Variants in SDC2 observed in about 807,000 individuals in gnomAD.
The protein encoded by SDC2 is syndecan-2.
SDC2 carries 13 observed loss-of-function variants against 22.2 expected under a neutral mutation model. That is an observed-to-expected ratio of 0.59 (90% CI 0.38 to 0.93). The LOEUF (loss-of-function observed/expected upper bound fraction) is 0.93, where lower values mean the gene tolerates loss of function less well. Ranked by LOEUF, SDC2 falls within the 40% of genes least tolerant of loss-of-function variation. The pLI, the probability that SDC2 is intolerant of heterozygous loss-of-function variation, is 0.00. For synonymous variants in SDC2, 94 were observed against 92.8 expected, an observed-to-expected ratio of 1.01 and a Z score of -0.07; for missense variants, 235 against 246.8, an observed-to-expected ratio of 0.95 and a Z score of 0.32.
At chr8:96,540,524 T>C (rs1235762193) in intron 1 of SDC2, among the ~76,000 whole-genome samples, 1 of 86,362 alleles carries the variant, frequency 1.2e-5, no homozygotes, top group Admixed American at 1.1e-4. Flanking sequence ...AAAAAAAAAA[T>C]CTGTATGGTA....
chr8:96,567,941 T>C (rs1563664624), intron 1 of SDC2, among the ~76,000 whole-genome samples: 1 of 152,164 alleles, frequency 6.6e-6, no homozygotes, highest in Non-Finnish European at 1.5e-5. Context: ...AGGAAACTCC[T>C]TCAAAGTGTT....
intron 1 of SDC2, among the ~76,000 whole-genome samples, chr8:96,522,195 G>T (rs914538133): frequency 6.6e-6 from 1 of 152,292 alleles, no homozygotes; most frequent in African/African-American, 2.4e-5. Flanking sequence ...GGAAGGCTTG[G>T]AGTGCATGTT....
intron 1 of SDC2, among the ~76,000 whole-genome samples, 187 bp from the exon 2 acceptor site, chr8:96,593,293 C>T (rs771684015): frequency 1.3e-5 from 2 of 152,142 alleles, no homozygotes; most frequent in Non-Finnish European, 2.9e-5. Context: ...GTTATTAGTC[C>T]GTGCTCACCT....
At chr8:96,516,536 AC>A (rs1199882763) in intron 1 of SDC2, among the ~76,000 whole-genome samples, 1 of 142,778 alleles carries the variant, frequency 7.0e-6, no homozygotes, top group East Asian at 2.0e-4. Flanking sequence ...TATTTTAATC[AC>A]CCCCCCACCT....
At position 96,572,191 on chromosome 8, in the gene SDC2, G is replaced by A. The variant is rs143581349; in HGVS notation, c.61-21289G>A. On this transcript the variant is annotated intron_variant, in intron 1 of 4. Coordinates refer to ENST00000302190, the MANE Select transcript of SDC2 (RefSeq NM_002998.4). ...AATGAGAGGCAACCCTACAGGAGGT[G>A]CTGCAGAATGAATTGTTTTCTTAGT... 9.8e-5 allele frequency among the ~76,000 whole-genome samples: 15 copies of A among 152,318 alleles called. No homozygotes were observed. The East Asian group carries it at 2.9e-3, about 29-fold the overall frequency.
chr8:96,540,529 A>G (rs1214709709), intron 1 of SDC2, among the ~76,000 whole-genome samples: 1 of 118,174 alleles, frequency 8.5e-6, no homozygotes, highest in Admixed American at 8.6e-5. Flanking sequence ...AAAAATCTGT[A>G]TGGTAACTTC....
chr8:96,501,423 A>G (rs768773175), intron 1 of SDC2, among the ~76,000 whole-genome samples: 1 of 143,834 alleles, frequency 7.0e-6, no homozygotes, highest in Non-Finnish European at 1.5e-5. Flanking sequence ...TCCTGCCTCA[A>G]CCTCCCGAGT....
chr8:96,496,568 A>C (rs1357638114), intron 1 of SDC2, among the ~76,000 whole-genome samples: 1 of 152,220 alleles, frequency 6.6e-6, no homozygotes, highest in Non-Finnish European at 1.5e-5. Context: ...TAGCAGCAAA[A>C]ATATAAATGA....
chr8:96,537,962 T>C (rs1208191216), intron 1 of SDC2, among the ~76,000 whole-genome samples: 3 of 152,120 alleles, frequency 2.0e-5, no homozygotes, highest in Non-Finnish European at 2.9e-5. Flanking sequence ...TTTTGTTTGT[T>C]TGTTTGTTTG....
intron 1 of SDC2, among the ~76,000 whole-genome samples, chr8:96,556,231 T>C (rs1287257140): frequency 6.6e-6 from 1 of 152,188 alleles, no homozygotes. Context: ...TGTATTAGCC[T>C]TAGTAAGAAA....
intron 1 of SDC2, among the ~76,000 whole-genome samples, chr8:96,520,430 A>C (rs1813479038): frequency 6.6e-6 from 1 of 152,186 alleles, no homozygotes; most frequent in Non-Finnish European, 1.5e-5. Context: ...ATTGATTGTC[A>C]AAGTGATTAG....
At chr8:96,503,414 A>T (rs912385081) in intron 1 of SDC2, among the ~76,000 whole-genome samples, 4 of 152,180 alleles carry the variant, frequency 2.6e-5, no homozygotes, top group Admixed American at 2.0e-4. Context: ...GTACACAAAA[A>T]GTTAGATATA....
At chr8:96,554,647 T>C (rs1362652808) in intron 1 of SDC2, among the ~76,000 whole-genome samples, 2 of 152,212 alleles carry the variant, frequency 1.3e-5, no homozygotes, top group Non-Finnish European at 2.9e-5. Context: ...GGCTCAAGGA[T>C]GTTGGGCACC....
At chr8:96,564,272 A>G (rs1277190847) in intron 1 of SDC2, among the ~76,000 whole-genome samples, 1 of 152,188 alleles carries the variant, frequency 6.6e-6, no homozygotes, top group African/African-American at 2.4e-5. Context: ...AGGGGTGAGG[A>G]GTCACTGTGG....
At chr8:96,598,196 G>T (rs1462306962) in intron 2 of SDC2, among the ~76,000 whole-genome samples, 1 of 152,148 alleles carries the variant, frequency 6.6e-6, no homozygotes, top group Non-Finnish European at 1.5e-5. Context: ...TTCCATGAGG[G>T]CCCTGCCCCC....
chr8:96,503,742 C>A (rs1360291784), intron 1 of SDC2, among the ~76,000 whole-genome samples: 1 of 152,110 alleles, frequency 6.6e-6, no homozygotes, highest in African/African-American at 2.4e-5. Context: ...AAATTTCAAT[C>A]AAAAAATGGC....
At chr8:96,548,838 T>A (rs1488428130) in intron 1 of SDC2, among the ~76,000 whole-genome samples, 1 of 152,170 alleles carries the variant, frequency 6.6e-6, no homozygotes, top group Admixed American at 6.5e-5. Context: ...GGTCGTACGC[T>A]TCACTGACTT....
At chr8:96,602,922 G>A (rs1026432902) in intron 3 of SDC2, among the ~76,000 whole-genome samples, 3 of 152,156 alleles carry the variant, frequency 2.0e-5, no homozygotes, top group South Asian at 4.1e-4. Context: ...TCCAGGTCAC[G>A]TCTTGAGGTG....
chr8:96,555,405 AT>A (rs921293997), intron 1 of SDC2, among the ~76,000 whole-genome samples: 24 of 152,258 alleles, frequency 1.6e-4, no homozygotes, highest in African/African-American at 5.8e-4. Flanking sequence ...ATTAACCAAT[AT>A]TTATTGAGTG....
Sources: allele counts gnomAD v4.1 joint callset (sites outside exome capture counted in the v4.1 genomes callset), GRCh38; gene constraint gnomAD v4.1.1; transcripts MANE v1.5; gene names NCBI Gene and HGNC (gene_info 2026-07-23, HGNC 2026-07-21).